Variants in ADGRL2 observed in about 807,000 individuals in gnomAD.
ADGRL2 encodes the protein adhesion G protein-coupled receptor L2.
In ADGRL2, 44 loss-of-function variants were observed where a neutral mutation model predicts 157.4. The ratio of observed to expected loss-of-function variants is 0.28; its 90% CI spans 0.22 to 0.36. ADGRL2 has a LOEUF of 0.36. ADGRL2 is among the 10% of genes least tolerant of loss of function. ADGRL2 has a pLI of 1.00. For missense variants in ADGRL2, 1,510 were observed against 1,768.9 expected, an observed-to-expected ratio of 0.85 and a Z score of 2.63; for synonymous variants, 585 against 624.7, an observed-to-expected ratio of 0.94 and a Z score of 0.95.
At chr1:81,634,280 C>T (rs2082071856) in intron 3 of ADGRL2, among the ~76,000 whole-genome samples, 1 of 152,208 alleles carries the variant, frequency 6.6e-6, no homozygotes, top group South Asian at 2.1e-4. Flanking sequence ...TGCTCACTCT[C>T]ATTAGGCCTC....
chr1:81,951,254 A>T lies in ADGRL2; in HGVS notation c.1608+133A>T, dbSNP rs1052285759. ...GTATAAAAGTAAAAAAAAATTACGC[A>T]TAGTTTTGTCTGTAAACTGTTTATT... On this transcript the variant is annotated intron_variant, in intron 8 of 23. Coordinates refer to ENST00000686636, the MANE Select transcript of ADGRL2 (RefSeq NM_001366006.2). 5.1e-6 allele frequency: 3 copies of T among 583,562 alleles called. No homozygotes were observed. In the African/African-American group the frequency reaches 5.6e-5, roughly 11 times the overall value. 36.1% of individuals were successfully genotyped at this position (583,562 alleles called of 1,614,324 possible).
intron 1 of ADGRL2, among the ~76,000 whole-genome samples, chr1:81,760,755 A>G (rs990525136): frequency 1.3e-5 from 2 of 151,618 alleles, no homozygotes; most frequent in African/African-American, 4.8e-5. Context: ...ATGAGTTATA[A>G]TATCAAAATT....
intron 2 of ADGRL2, among the ~76,000 whole-genome samples, chr1:81,876,592 T>G (rs954191288): frequency 1.8e-5 from 2 of 108,688 alleles, no homozygotes; most frequent in African/African-American, 8.2e-5. Flanking sequence ...TATCAATAAG[T>G]ACTTGTTTAA....
At chr1:81,763,337 C>T (rs972726095) in intron 2 of ADGRL2, among the ~76,000 whole-genome samples, 12 of 151,990 alleles carry the variant, frequency 7.9e-5, no homozygotes, top group African/African-American at 2.7e-4. Context: ...GTAATCCCAA[C>T]ACTTTGAGAG....
At chr1:81,543,582 C>A (rs1225038540) in intron 2 of ADGRL2, among the ~76,000 whole-genome samples, 1 of 152,202 alleles carries the variant, frequency 6.6e-6, no homozygotes, top group Non-Finnish European at 1.5e-5. Flanking sequence ...ATCCCTTCTG[C>A]TGCTGCTACC....
At chr1:81,810,173 A>G (rs2089677914) in intron 1 of ADGRL2, among the ~76,000 whole-genome samples, 1 of 151,964 alleles carries the variant, frequency 6.6e-6, no homozygotes. Context: ...TCTAATTCTA[A>G]TCATTTATTC....
chr1:81,648,676 G>A (rs1253488287), intron 3 of ADGRL2, among the ~76,000 whole-genome samples: 2 of 152,132 alleles, frequency 1.3e-5, no homozygotes. Flanking sequence ...GGATGGGTTA[G>A]CTTTGCACAG....
At chr1:81,585,423 A>C (rs941949141) in intron 3 of ADGRL2, among the ~76,000 whole-genome samples, 2 of 152,112 alleles carry the variant, frequency 1.3e-5, no homozygotes, top group African/African-American at 4.8e-5. Context: ...TGTGGAAAAT[A>C]ATCCTAAACA....
chr1:81,945,732 G>A lies in ADGRL2; in HGVS notation c.1210+1963G>A, dbSNP rs74098520. ...GCAACTGTATGTTCCTACAACTATG[G>A]TTTGTCATCCAAAATAGCCATTCTT... On this transcript the variant is annotated intron_variant, in intron 6 of 23. Transcript: ENST00000686636. Among the ~76,000 whole-genome samples, 362 of 152,136 alleles carry A rather than the reference G, an allele frequency of 2.4e-3. 2 individuals carry two copies. Among genetic ancestry groups the A allele is most frequent in the African/African-American group, 8.1e-3 (335 of 41,528 alleles).
chr1:81,986,833 T>C, intron 21 of ADGRL2, 68 bp from the exon 22 acceptor site: 2 of 1,519,946 alleles, frequency 1.3e-6, no homozygotes, highest in Non-Finnish European at 1.8e-6. Context: ...TGACTACAAC[T>C]GTAACACTAA....
At position 81,879,269 on chromosome 1, in the gene ADGRL2, G is replaced by A. The variant is rs553237230; in HGVS notation, c.74-27748G>A. On this transcript the variant is annotated intron_variant, in intron 2 of 23. Transcript: ENST00000686636. Reference sequence around the variant, plus strand: ...GTATGCTTAAAACACAGAGTAATTAGCGAGCAAGCTCAGGAAAAAAAAAAT... The same window carrying A: ...GTATGCTTAAAACACAGAGTAATTAACGAGCAAGCTCAGGAAAAAAAAAAT... Among the ~76,000 whole-genome samples the A allele has an allele frequency of 1.7e-4, 26 of 150,806 alleles. 1 individual carries two copies. In the South Asian group the frequency reaches 5.1e-3, roughly 30 times the overall value.
At chr1:81,804,132 T>A (rs1005031798) in intron 1 of ADGRL2, among the ~76,000 whole-genome samples, 3 of 152,226 alleles carry the variant, frequency 2.0e-5, no homozygotes, top group Non-Finnish European at 4.4e-5. Context: ...GGGTACTTTG[T>A]AACTTTAAAT....
rs765509598 is a variant in ADGRL2 at position 81,942,962 on chromosome 1, CTG to C, written c.410-5_410-4del. On this transcript the variant is annotated splice_region_variant and splice_polypyrimidine_tract_variant and intron_variant, in intron 5 of 23. Transcript: ENST00000686636. ...GCTTAATTTTTGTCTTTCTCTGTAA[CTG>C]TTAGTTTTTGTGTGTCCTGGGACCT... 3 of 1,598,386 alleles carry C rather than the reference CTG, an allele frequency of 1.9e-6. No individual in the cohort carries two copies. The Admixed American group carries it at 5.1e-5, about 27-fold the overall frequency.
intron 1 of ADGRL2, among the ~76,000 whole-genome samples, chr1:81,704,528 G>C (rs1409488920): frequency 6.6e-6 from 1 of 152,142 alleles, no homozygotes; most frequent in Non-Finnish European, 1.5e-5. Context: ...GTAGGAAAAG[G>C]AACAACACAA....
At chr1:81,464,221 T>C (rs1557708524) in intron 2 of ADGRL2, among the ~76,000 whole-genome samples, 1 of 152,136 alleles carries the variant, frequency 6.6e-6, no homozygotes, top group Non-Finnish European at 1.5e-5. Context: ...AAAGAAATCA[T>C]GCTGGCCAGC....
intron 2 of ADGRL2, chr1:81,506,201 C>T (rs2296234): frequency 0.45 from 68,190 of 152,276 alleles, 19,603 homozygotes; most frequent in African/African-American, 0.81. Context: ...CAAGAGAGGC[C>T]GCCTCATTAA....
chr1:81,722,943 A>G (rs752454492), intron 1 of ADGRL2: 12 of 759,114 alleles, frequency 1.6e-5, no homozygotes, highest in African/African-American at 3.4e-5. Flanking sequence ...GCAGACATGC[A>G]GGATCCAGAA....
chr1:81,348,583 A>G (rs1474709954), intron 1 of ADGRL2, among the ~76,000 whole-genome samples: 1 of 152,118 alleles, frequency 6.6e-6, no homozygotes, highest in Non-Finnish European at 1.5e-5. Flanking sequence ...TGAGTTTGAG[A>G]GCCAGACCTT....
intron 2 of ADGRL2, among the ~76,000 whole-genome samples, chr1:81,886,405 C>T (rs969926405): frequency 5.9e-5 from 9 of 152,118 alleles, no homozygotes; most frequent in South Asian, 2.1e-4. Context: ...CTCCTGACCT[C>T]GTGATCTGCC....
Sources: allele counts gnomAD v4.1 joint callset (sites outside exome capture counted in the v4.1 genomes callset), GRCh38; gene constraint gnomAD v4.1.1; transcripts MANE v1.5; gene names NCBI Gene and HGNC (gene_info 2026-07-23, HGNC 2026-07-21).